The following CPNE4 variants were observed in gnomAD, a reference collection of about 807,000 sequenced individuals.
CPNE4 encodes the protein copine-4.
In CPNE4, 25 loss-of-function variants were observed where a neutral mutation model predicts 67.9. The observed-to-expected ratio is 0.37, with a 90% CI of 0.27 to 0.51. The LOEUF is 0.51. Ranked by LOEUF, CPNE4 falls within the 20% of genes least tolerant of loss-of-function variation. The probability of loss-of-function intolerance (pLI) is 0.93; values close to 1 mark genes in which losing one functional copy is unlikely to be tolerated. For synonymous variants in CPNE4, 242 were observed against 244.9 expected (o/e 0.99, Z 0.11); for missense variants, 464 against 690.8 (o/e 0.67, Z 3.68).
intron 15 of CPNE4, among the ~76,000 whole-genome samples, chr3:131,535,544 A>G (rs1409590672): frequency 1.3e-5 from 2 of 152,248 alleles, no homozygotes; most frequent in African/African-American, 4.8e-5. Flanking sequence ...CTCAAACTAT[A>G]AAACTATTTA....
intron 7 of CPNE4, among the ~76,000 whole-genome samples, chr3:131,656,217 A>G (rs1358234950): frequency 6.6e-6 from 1 of 152,038 alleles, no homozygotes; most frequent in Non-Finnish European, 1.5e-5. Context: ...TTAAGGAAAA[A>G]AAATGTTAGG....
chr3:131,910,216 A>C (rs2088925749), intron 1 of CPNE4, among the ~76,000 whole-genome samples: 1 of 152,130 alleles, frequency 6.6e-6, no homozygotes, highest in South Asian at 2.1e-4. Flanking sequence ...GTTTCACTAA[A>C]GGGATGCAGT....
Position 131,695,808 on chromosome 3 carries a change from A to T in CPNE4, c.507+734T>A, listed in dbSNP as rs1003157783. On this transcript the variant is annotated intron_variant, in intron 5 of 15. Coordinates refer to ENST00000429747, the MANE Select transcript of CPNE4 (RefSeq NM_130808.3). The stretch of plus-strand genomic sequence containing the variant: ...CCAAATATAATTAGTTTATAAGGAT[A>T]AAGTATTTCCTGATGTCCCCAGGTA... 8.5e-5 allele frequency among the ~76,000 whole-genome samples: 13 copies of T among 152,250 alleles called. No homozygotes were observed. The South Asian group carries it at 2.7e-3, about 31-fold the overall frequency.
intron 1 of CPNE4, among the ~76,000 whole-genome samples, chr3:132,009,204 G>A (rs183908476): frequency 2.6e-5 from 4 of 151,448 alleles, no homozygotes; most frequent in Admixed American, 2.6e-4. Flanking sequence ...TCTGCAGGGT[G>A]TTTTATTAAA....
chr3:132,024,288 T>C (rs1436961837), intron 1 of CPNE4, among the ~76,000 whole-genome samples: 1 of 152,116 alleles, frequency 6.6e-6, no homozygotes, highest in African/African-American at 2.4e-5. Context: ...TTCACCATGT[T>C]GGCCAGGCTA....
intron 2 of CPNE4, among the ~76,000 whole-genome samples, chr3:131,766,361 C>T (rs1444282108): frequency 1.3e-5 from 2 of 152,020 alleles, no homozygotes; most frequent in Admixed American, 1.3e-4. Flanking sequence ...TGGTGGAATT[C>T]TTCCAGGTAC....
intron 2 of CPNE4, among the ~76,000 whole-genome samples, chr3:131,725,540 G>A (rs1352807269): frequency 1.3e-5 from 2 of 152,198 alleles, no homozygotes; most frequent in Non-Finnish European, 2.9e-5. Context: ...ATTCTTATAT[G>A]ATGTTCATTC....
At chr3:131,878,657 G>A (rs1473253111) in intron 2 of CPNE4, among the ~76,000 whole-genome samples, 1 of 152,174 alleles carries the variant, frequency 6.6e-6, no homozygotes, top group Non-Finnish European at 1.5e-5. Context: ...TCCAAAGAAA[G>A]ACTTGGGCAA....
chr3:131,843,295 A>G (rs1309936084), intron 2 of CPNE4, among the ~76,000 whole-genome samples: 2 of 152,214 alleles, frequency 1.3e-5, no homozygotes, highest in African/African-American at 4.8e-5. Flanking sequence ...ATTTGTGCAT[A>G]AACTGAGTGG....
At chr3:131,924,647 A>C (rs1352412025) in intron 1 of CPNE4, among the ~76,000 whole-genome samples, 1 of 152,190 alleles carries the variant, frequency 6.6e-6, no homozygotes, top group Non-Finnish European at 1.5e-5. Flanking sequence ...TATGCATCAA[A>C]ATTTGAAAAC....
intron 2 of CPNE4, among the ~76,000 whole-genome samples, chr3:131,793,556 G>A (rs1249820445): frequency 6.6e-6 from 1 of 152,198 alleles, no homozygotes; most frequent in Non-Finnish European, 1.5e-5. Context: ...TGTAGGTGGA[G>A]CATCTGCATT....
chr3:131,800,872 A>C (rs2084073572), intron 2 of CPNE4, among the ~76,000 whole-genome samples: 2 of 152,224 alleles, frequency 1.3e-5, no homozygotes, highest in Non-Finnish European at 2.9e-5. Flanking sequence ...AGAAACACTA[A>C]GAAGGCTTCA....
rs376031358 is a variant in CPNE4 at position 131,798,115 on chromosome 3, C to G, written c.181-74490G>C. The stretch of plus-strand genomic sequence containing the variant: ...TATGACCTCCTTTAACATTTATAAC[C>G]TCCTCAGAGGCCTTATCTTCAAATA... On this transcript the variant is annotated intron_variant, in intron 2 of 15. Coordinates refer to ENST00000429747, the MANE Select transcript of CPNE4 (RefSeq NM_130808.3). 3.9e-5 allele frequency among the ~76,000 whole-genome samples: 6 copies of G among 152,238 alleles called. No individual in the cohort carries two copies. In the East Asian group the frequency reaches 1.2e-3, roughly 29 times the overall value.
chr3:131,777,813 T>C (rs1414027226), intron 2 of CPNE4, among the ~76,000 whole-genome samples: 1 of 152,086 alleles, frequency 6.6e-6, no homozygotes, highest in Non-Finnish European at 1.5e-5. Context: ...CAGCACCTAT[T>C]CTTGGATGTG....
intron 6 of CPNE4, among the ~76,000 whole-genome samples, chr3:131,674,270 G>C (rs910904171): frequency 1.3e-5 from 2 of 151,960 alleles, no homozygotes; most frequent in African/African-American, 4.8e-5. Flanking sequence ...TTGGCCTGTA[G>C]TTTTCTTTTT....
intron 2 of CPNE4, among the ~76,000 whole-genome samples, chr3:131,761,003 T>A (rs1251310115): frequency 1.3e-5 from 2 of 152,100 alleles, no homozygotes; most frequent in Non-Finnish European, 2.9e-5. Context: ...CTTTCCTTGT[T>A]GAGAAGATGC....
intron 1 of CPNE4, among the ~76,000 whole-genome samples, chr3:131,996,104 T>G (rs1196570529): frequency 6.6e-6 from 1 of 152,206 alleles, no homozygotes; most frequent in African/African-American, 2.4e-5. Context: ...TCTTCCCTCT[T>G]GAAGTAATTG....
intron 1 of CPNE4, among the ~76,000 whole-genome samples, chr3:131,919,678 G>A (rs2070688148): frequency 6.6e-6 from 1 of 152,134 alleles, no homozygotes; most frequent in African/African-American, 2.4e-5. Flanking sequence ...GTTGTACTCA[G>A]ATAAAATTTT....
In CPNE4 at chr3:131,958,609, C is replaced by CTTTTTTTTTTTTTTTT. The variant is rs748126986; in HGVS notation, c.-1-53181_-1-53166dup. Among the ~76,000 whole-genome samples, 228 of 95,944 alleles carry CTTTTTTTTTTTTTTTT rather than the reference C, an allele frequency of 2.4e-3. 17 individuals are homozygous for CTTTTTTTTTTTTTTTT. The highest frequency in any genetic ancestry group is 5.7e-3 in the Middle Eastern group (1 of 176). The allele number at this position is 95,944 out of a possible 152,430, so 62.9% of individuals were successfully genotyped here. A position where few individuals can be genotyped will look rare whatever the true frequency, so the allele number is the denominator to read the frequency against. On this transcript the variant is annotated intron_variant, in intron 1 of 15. Coordinates refer to ENST00000429747, the MANE Select transcript of CPNE4 (RefSeq NM_130808.3). Reference sequence around the variant, plus strand: ...CAATTGATACACCTTTCTTTCTTTTCTTTTTTTTTTTTTTTTTTTTTTTTT... The same window carrying CTTTTTTTTTTTTTTTT: ...CAATTGATACACCTTTCTTTCTTTTCTTTTTTTTTTTTTTTTTTTTTTTTTTTTTTTTTTTTTTTTT...
Sources: gnomAD v4.1 joint callset for allele counts (sites outside exome capture counted in the v4.1 genomes callset) on GRCh38, gnomAD v4.1.1 for gene constraint, MANE v1.5 for transcripts, NCBI Gene and HGNC (gene_info 2026-07-23, HGNC 2026-07-21) for gene names.